The following EPHA3 variants were observed in gnomAD, a reference collection of about 807,000 sequenced individuals.
The protein encoded by EPHA3 is ephrin type-A receptor 3.
A neutral mutation model predicts 107.1 loss-of-function variants in EPHA3; 42 were observed. The observed-to-expected ratio is 0.39, with a 90% confidence interval of 0.31 to 0.51. EPHA3 has a LOEUF of 0.51. Ranked by LOEUF, EPHA3 falls within the 20% of genes least tolerant of loss-of-function variation. The probability of loss-of-function intolerance (pLI) is 0.78; values close to 1 mark genes in which losing one functional copy is unlikely to be tolerated. For synonymous variants in EPHA3, 461 were observed against 424.8 expected (o/e 1.09, Z -1.05); for missense variants, 1,183 against 1,211.2 (o/e 0.98, Z 0.35).
At chr3:89,291,495 C>A (rs1481545349) in intron 3 of EPHA3, among the ~76,000 whole-genome samples, 1 of 151,888 alleles carries the variant, frequency 6.6e-6, no homozygotes, top group Non-Finnish European at 1.5e-5. Flanking sequence ...AGAACATTTG[C>A]TTATGTTTTA....
intron 1 of EPHA3, among the ~76,000 whole-genome samples, chr3:89,115,805 T>C (rs1707241749): frequency 6.6e-6 from 1 of 152,138 alleles, no homozygotes; most frequent in Non-Finnish European, 1.5e-5. Flanking sequence ...CCAAGCCCTC[T>C]CTCGTCTTTG....
chr3:89,222,214 C>A (rs752581510), intron 3 of EPHA3, among the ~76,000 whole-genome samples: 2 of 151,690 alleles, frequency 1.3e-5, no homozygotes, highest in Non-Finnish European at 2.9e-5. Flanking sequence ...GCACAATATG[C>A]TTCATTATTA....
chr3:89,234,325 T>C (rs1458988911), intron 3 of EPHA3, among the ~76,000 whole-genome samples: 1 of 152,216 alleles, frequency 6.6e-6, no homozygotes, highest in Non-Finnish European at 1.5e-5. Context: ...TCATTTTCCA[T>C]GTGACAGCTG....
chr3:89,418,828 A>G (rs1709300023), intron 10 of EPHA3, among the ~76,000 whole-genome samples: 1 of 151,452 alleles, frequency 6.6e-6, no homozygotes, highest in African/African-American at 2.4e-5. Flanking sequence ...TCCAATGCTC[A>G]CATTTAATCA....
chr3:89,285,314 C>T (rs35176045), intron 3 of EPHA3, among the ~76,000 whole-genome samples: 41,106 of 151,894 alleles, frequency 0.27, 6,993 homozygotes, highest in African/African-American at 0.49. Context: ...CTTTCATTTA[C>T]TCAGTAAATA....
intron 15 of EPHA3, among the ~76,000 whole-genome samples, chr3:89,451,078 G>A (rs1201945064): frequency 6.6e-6 from 1 of 152,112 alleles, no homozygotes; most frequent in African/African-American, 2.4e-5. Flanking sequence ...AGTCTATATT[G>A]CGTATCAATT....
At chr3:89,456,731 A>C (rs530906613) in intron 15 of EPHA3, among the ~76,000 whole-genome samples, 1 of 152,324 alleles carries the variant, frequency 6.6e-6, no homozygotes, top group Admixed American at 6.5e-5. Context: ...GGACAGTTAC[A>C]TTAAACTTTG....
At chr3:89,388,623 A>G (rs1353157017) in intron 5 of EPHA3, among the ~76,000 whole-genome samples, 2 of 152,212 alleles carry the variant, frequency 1.3e-5, no homozygotes, top group Non-Finnish European at 2.9e-5. Flanking sequence ...TTAGCTTTGT[A>G]TGGAGAGCAA....
chr3:89,416,772 A>T (rs1333675124), intron 10 of EPHA3, among the ~76,000 whole-genome samples: 2 of 151,438 alleles, frequency 1.3e-5, no homozygotes, highest in African/African-American at 4.8e-5. Flanking sequence ...TTCGAAGGTA[A>T]ATATATACAT....
intron 16 of EPHA3, among the ~76,000 whole-genome samples, chr3:89,475,955 C>T (rs761592564): frequency 3.3e-5 from 5 of 151,848 alleles, no homozygotes; most frequent in Admixed American, 6.6e-5. Flanking sequence ...AGAAGATATT[C>T]GGGCAAGAAT....
At chr3:89,333,229 T>G (rs924198669) in intron 3 of EPHA3, among the ~76,000 whole-genome samples, 13 of 152,202 alleles carry the variant, frequency 8.5e-5, no homozygotes, top group African/African-American at 3.1e-4. Flanking sequence ...TTTTCAGAGC[T>G]GGCAGTTTGC....
rs572793927 is a variant in EPHA3 at position 89,127,633 on chromosome 3, C to T, written c.153+360C>T. The stretch of plus-strand genomic sequence containing the variant: ...AATGTAGAAAGTGTGTATTTGGAGA[C>T]GGTAATCTCCAAAGTCATAGCCTTA... On this transcript the variant is annotated intron_variant, in intron 2 of 16. Coordinates refer to ENST00000336596, the MANE Select transcript of EPHA3 (RefSeq NM_005233.6). 2.5e-3 allele frequency among the ~76,000 whole-genome samples: 380 copies of T among 151,986 alleles called. 2 individuals carry two copies. The highest frequency in any genetic ancestry group is 8.5e-3 in the African/African-American group (351 of 41,504).
chr3:89,155,056 C>A (rs1704769361), intron 2 of EPHA3, among the ~76,000 whole-genome samples: 1 of 151,356 alleles, frequency 6.6e-6, no homozygotes. Context: ...CTATTAAGCA[C>A]TTACTGTGTA....
chr3:89,469,260 A>C (rs1710354288), intron 15 of EPHA3, among the ~76,000 whole-genome samples: 1 of 152,214 alleles, frequency 6.6e-6, no homozygotes, highest in Non-Finnish European at 1.5e-5. Flanking sequence ...CCTCCACTAC[A>C]CAAATGACCA....
At chr3:89,444,971 A>T (rs1709853079) in intron 13 of EPHA3, among the ~76,000 whole-genome samples, 1 of 152,228 alleles carries the variant, frequency 6.6e-6, no homozygotes, top group East Asian at 1.9e-4. Context: ...TGGGCTAAAC[A>T]GCTAACTCTT....
chr3:89,380,969 C>T (rs1708491420), intron 5 of EPHA3, among the ~76,000 whole-genome samples: 1 of 149,822 alleles, frequency 6.7e-6, no homozygotes, highest in African/African-American at 2.5e-5. Context: ...CTGCTATAGG[C>T]TGTTTGTTTG....
At chr3:89,441,556 A>AT (rs1709787835) in intron 13 of EPHA3, among the ~76,000 whole-genome samples, 1 of 152,218 alleles carries the variant, frequency 6.6e-6, no homozygotes, top group Non-Finnish European at 1.5e-5. Flanking sequence ...ATAATATTCT[A>AT]AATGCCTAGT....
chr3:89,113,485 CAAAAAAAAAAAA>C lies in EPHA3; in HGVS notation c.88+5666_88+5677del, dbSNP rs753848304. ...TTGCCTCCTACCAGCTTCCTTTGTA[CAAAAAAAAAAAA>C]AAAAAAAAAAAAAAAAGAGGGGAGG... On this transcript the variant is annotated intron_variant, in intron 1 of 16. Coordinates refer to ENST00000336596, the MANE Select transcript of EPHA3 (RefSeq NM_005233.6). Among the ~76,000 whole-genome samples the C allele has an allele frequency of 6.1e-4, 19 of 31,102 alleles. 1 individual carries two copies. The highest frequency in any genetic ancestry group is 1.7e-3 in the Admixed American group (2 of 1,210). 20.4% of individuals were successfully genotyped at this position (31,102 alleles called of 152,430 possible). A position where few individuals can be genotyped will look rare whatever the true frequency, so the allele number is the denominator to read the frequency against.
chr3:89,391,676 G>T (rs1238691859), intron 5 of EPHA3, among the ~76,000 whole-genome samples: 4 of 150,910 alleles, frequency 2.7e-5, no homozygotes, highest in Non-Finnish European at 3.0e-5. Flanking sequence ...CTCATGATCC[G>T]CCCGCCTCGG....
Sources: gnomAD v4.1 joint callset for allele counts (sites outside exome capture counted in the v4.1 genomes callset) on GRCh38, gnomAD v4.1.1 for gene constraint, MANE v1.5 for transcripts, NCBI Gene and HGNC (gene_info 2026-07-23, HGNC 2026-07-21) for gene names.